The following HIRA variants were observed in gnomAD, a reference collection of about 807,000 sequenced individuals.
HIRA encodes protein HIRA.
In HIRA, 13 loss-of-function variants were observed where a neutral mutation model predicts 126.6. The observed-to-expected ratio is 0.10, with a 90% CI of 0.07 to 0.16. HIRA has a LOEUF of 0.16. Ranked by LOEUF, HIRA falls within the 10% of genes least tolerant of loss-of-function variation. HIRA has a pLI of 1.00. For missense variants in HIRA, 834 were observed against 1,314.4 expected, an observed-to-expected ratio of 0.63 and a Z score of 5.65; for synonymous variants, 511 against 520.0, an observed-to-expected ratio of 0.98 and a Z score of 0.24.
rs1310790481 is a variant in HIRA, at chr22:19,361,587, A to G, written c.1980+140T>C. On this transcript the variant is annotated intron_variant, in intron 16 of 24. Transcript: ENST00000263208. ...TGAGGGAGAGCGTGGCCTCCATGCT[A>G]CATTCCAGGGGCTGCATGTCTAAGC... 5.8e-6 allele frequency: 5 copies of G among 863,430 alleles called. No homozygotes were observed. In the East Asian group the frequency reaches 1.2e-4, roughly 21 times the overall value. 53.5% of individuals were successfully genotyped at this position (863,430 alleles called of 1,614,324 possible).
chr22:19,388,452 T>C, intron 10 of HIRA, 32 bp downstream of exon 10: 1 of 1,548,432 alleles, frequency 6.5e-7, no homozygotes, highest in Non-Finnish European at 8.9e-7. Flanking sequence ...TCTCCTTTCT[T>C]AACCTATTCC....
rs1376634696 is a variant in HIRA at position 19,361,864 on chromosome 22, C to T, written c.1843G>A (p.Asp615Asn). 1.2e-6 allele frequency: 2 copies of T among 1,614,100 alleles called. No individual in the cohort carries two copies. The highest frequency in any genetic ancestry group is 1.3e-5 in the African/African-American group (1 of 74,938). ...RDLLESSSDSDEKVPLAKASS... is the reference protein window; with the variant it reads ...RDLLESSSDSNEKVPLAKASS... Reference sequence around the variant, plus strand: ...GCCTTAGCCAAAGGGACTTTCTCATCGCTGTCACTGCTGCTCTCCAGGAGG... The same window carrying T: ...GCCTTAGCCAAAGGGACTTTCTCATTGCTGTCACTGCTGCTCTCCAGGAGG... The change falls in exon 16 of 25, where the codon GAT becomes AAT. Residue 615 changes from aspartate (D) to asparagine (N), a missense_variant. Around this residue, in one of 5 missense-constraint regions of HIRA, gnomAD observed 468 missense variants for 574.2 expected, o/e 0.82. Coordinates refer to ENST00000263208, the MANE Select transcript of HIRA (RefSeq NM_003325.4).
intron 4 of HIRA, among the ~76,000 whole-genome samples, chr22:19,406,429 C>T (rs983270756): frequency 6.6e-6 from 1 of 152,194 alleles, no homozygotes; most frequent in Non-Finnish European, 1.5e-5. Context: ...AGAGAAACCA[C>T]GCGATCTATA....
intron 15 of HIRA, among the ~76,000 whole-genome samples, chr22:19,372,406 G>T (rs1346372995): frequency 6.6e-6 from 1 of 151,888 alleles, no homozygotes; most frequent in Non-Finnish European, 1.5e-5. Context: ...CAGATCTTTT[G>T]CTCATTTTTA....
At chr22:19,339,703 C>T (rs1446907376) in intron 24 of HIRA, among the ~76,000 whole-genome samples, 1 of 151,362 alleles carries the variant, frequency 6.6e-6, no homozygotes, top group African/African-American at 2.4e-5. Flanking sequence ...CAACTGATAC[C>T]ACAGAAATAG....
chr22:19,338,705 G>C (rs2088593961), intron 24 of HIRA, among the ~76,000 whole-genome samples: 1 of 152,132 alleles, frequency 6.6e-6, no homozygotes, highest in African/African-American at 2.4e-5. Context: ...AGCAACAATA[G>C]TTGAAAAAGA....
chr22:19,413,409 A>C (rs1238336305), intron 1 of HIRA, among the ~76,000 whole-genome samples: 2 of 151,882 alleles, frequency 1.3e-5, no homozygotes, highest in Non-Finnish European at 2.9e-5. Flanking sequence ...TATTTTTATT[A>C]TTTTGAGAAG....
chr22:19,354,873 T>C (rs1359433073), intron 21 of HIRA, among the ~76,000 whole-genome samples: 2 of 151,978 alleles, frequency 1.3e-5, no homozygotes, highest in African/African-American at 4.8e-5. Flanking sequence ...GCTCAAGGGA[T>C]CTCCTGCTTC....
intron 18 of HIRA, among the ~76,000 whole-genome samples, chr22:19,357,871 A>G (rs1323260355): frequency 6.6e-6 from 1 of 152,180 alleles, no homozygotes; most frequent in African/African-American, 2.4e-5. Flanking sequence ...ATGAGCCACT[A>G]TTGCTACTGG....
intron 1 of HIRA, among the ~76,000 whole-genome samples, chr22:19,417,406 G>C (rs2089407945): frequency 6.6e-6 from 1 of 151,904 alleles, no homozygotes. Context: ...GGTGGATCAA[G>C]AGGTCAAGAG....
chr22:19,401,313 T>A (rs2089266967), intron 5 of HIRA, among the ~76,000 whole-genome samples: 1 of 152,188 alleles, frequency 6.6e-6, no homozygotes, highest in Non-Finnish European at 1.5e-5. Context: ...TTGTTGTTGC[T>A]GAGACAGGGT....
At position 19,390,601 on chromosome 22, in the gene HIRA, C is replaced by CAAAAAAAAAAAAAAAAAAAAAAAAAA. The variant is rs575050947; in HGVS notation, c.936+1474_936+1499dup. Among the ~76,000 whole-genome samples the CAAAAAAAAAAAAAAAAAAAAAAAAAA allele has an allele frequency of 7.8e-4, 30 of 38,342 alleles. 5 individuals are homozygous for CAAAAAAAAAAAAAAAAAAAAAAAAAA. Among genetic ancestry groups the CAAAAAAAAAAAAAAAAAAAAAAAAAA allele is most frequent in the African/African-American group, 1.7e-3 (19 of 11,456 alleles). The allele number at this position is 38,342 out of a possible 152,430, so 25.2% of individuals were successfully genotyped here. A position where few individuals can be genotyped will look rare whatever the true frequency, so the allele number is the denominator to read the frequency against. ...TGGGCAATAGAGGGAGACTCTGTCTCAAAAAAAAAAAAAAAAAAAAAAAAA... is the reference window on the plus strand; with the variant it reads ...TGGGCAATAGAGGGAGACTCTGTCTCAAAAAAAAAAAAAAAAAAAAAAAAAAAAAAAAAAAAAAAAAAAAAAAAAAA... On this transcript the variant is annotated intron_variant, in intron 9 of 24. Transcript: ENST00000263208.
At chr22:19,387,643 AG>A in intron 11 of HIRA, 67 bp downstream of exon 11, 5 of 1,127,118 alleles carry the variant, frequency 4.4e-6, no homozygotes, top group Non-Finnish European at 6.7e-6. Context: ...GTGTAGTCAA[AG>A]GGGTCTCTCA....
Position 19,398,086 on chromosome 22 carries a change from A to G in HIRA, c.399T>C (p.Asp133=). The G allele has an allele frequency of 6.2e-7, 1 of 1,612,716 alleles. No individual in the cohort carries two copies. The highest frequency in any genetic ancestry group is 8.5e-7 in the Non-Finnish European group (1 of 1,178,804). The change falls in exon 6 of 25, where the codon GAT becomes GAC. Residue 133 remains aspartate (D), a splice_region_variant and synonymous_variant. Coordinates refer to ENST00000263208, the MANE Select transcript of HIRA (RefSeq NM_003325.4). ...GGGGAGACCATGCTACATCCATCAC[A>G]TCTGAAAGAAGACAGAGGGTTCTGG... ...CVSILRNHSG[D]VMDVAWSPHD...
In HIRA at chr22:19,358,412, T is replaced by C. The variant is rs572186016; in HGVS notation, c.2234+924A>G. ...GCTTGCCCCACAGCTGCCATGTCAC[T>C]GTGGGAGAGGCTGTGCCGACACCCC... On this transcript the variant is annotated intron_variant, in intron 18 of 24. Coordinates refer to ENST00000263208, the MANE Select transcript of HIRA (RefSeq NM_003325.4). Among the ~76,000 whole-genome samples, 13 of 152,250 alleles carry C rather than the reference T, an allele frequency of 8.5e-5. No individual in the cohort carries two copies. In the South Asian group the frequency reaches 1.2e-3, roughly 15 times the overall value.
At chr22:19,393,577 T>C (rs9606005) in intron 8 of HIRA, among the ~76,000 whole-genome samples, 29,826 of 151,868 alleles carry the variant, frequency 0.2, 5,887 homozygotes, top group African/African-American at 0.5. Flanking sequence ...AGGCTGGTCT[T>C]GACCTCCTGA....
At chr22:19,335,367 C>T (rs2088554575) in intron 24 of HIRA, among the ~76,000 whole-genome samples, 1 of 151,844 alleles carries the variant, frequency 6.6e-6, no homozygotes, top group Non-Finnish European at 1.5e-5. Flanking sequence ...GTCTTCGCCT[C>T]CTGAGTAGCT....
At chr22:19,364,174 C>T (rs1171472872) in intron 15 of HIRA, among the ~76,000 whole-genome samples, 3 of 149,776 alleles carry the variant, frequency 2.0e-5, no homozygotes, top group East Asian at 1.9e-4. Flanking sequence ...AAAAAAAAAG[C>T]GAGGACTGGA....
At position 19,399,782 on chromosome 22, in the gene HIRA, T is replaced by A. The variant is rs1370336531; in HGVS notation, c.398-1695A>T. Among the ~76,000 whole-genome samples the A allele has an allele frequency of 3.9e-5, 6 of 152,378 alleles. No individual in the cohort carries two copies. The East Asian group carries it at 9.6e-4, about 24-fold the overall frequency. ...GACTTATTTATTCAATACAATTTTA[T>A]ATTTAAAATTTTTAATTAGATTATT... On this transcript the variant is annotated intron_variant, in intron 5 of 24. Coordinates refer to ENST00000263208, the MANE Select transcript of HIRA (RefSeq NM_003325.4).
Sources: allele counts gnomAD v4.1 joint callset (sites outside exome capture counted in the v4.1 genomes callset), GRCh38; gene constraint gnomAD v4.1.1; regional missense constraint gnomAD v4.1.1; transcripts MANE v1.5; gene names NCBI Gene and HGNC (gene_info 2026-07-23, HGNC 2026-07-21).